GDF1: variants seen among roughly 807,000 people sequenced by gnomAD.
The protein encoded by GDF1 is growth differentiation factor 1.
In GDF1, 8 loss-of-function variants were observed where a neutral mutation model predicts 7.4. The observed-to-expected ratio is 1.09, with a 90% CI of 0.64 to 1.96. GDF1 has a LOEUF of 1.96. GDF1 is among the 30% of genes most tolerant of loss of function. The probability of loss-of-function intolerance (pLI) is 0.00; values close to 1 mark genes in which losing one functional copy is unlikely to be tolerated. For synonymous variants in GDF1, 311 were observed against 276.7 expected, an observed-to-expected ratio of 1.12 and a Z score of -1.23; for missense variants, 574 against 551.5, an observed-to-expected ratio of 1.04 and a Z score of -0.41.
intron 1 of GDF1, among the ~76,000 whole-genome samples, chr19:18,894,391 C>A (rs1294876050): frequency 6.6e-6 from 1 of 152,100 alleles, no homozygotes; most frequent in East Asian, 1.9e-4. Context: ...GAGCCGGCTC[C>A]GGTAACCCCT....
At position 18,870,184 on chromosome 19, in the gene GDF1, C is replaced by T; in HGVS notation, c.124G>A (p.Ala42Thr). 6.4e-7 allele frequency: 1 copy of T among 1,565,426 alleles called. No individual in the cohort carries two copies. Among genetic ancestry groups the T allele is most frequent in the Non-Finnish European group, 8.6e-7 (1 of 1,163,118 alleles). The change falls in exon 7 of 8, where the codon GCT becomes ACT. Residue 42 changes from alanine to threonine, a missense_variant. Coordinates refer to ENST00000247005, the MANE Select transcript of GDF1 (RefSeq NM_001492.6). The surrounding 1 kb of genome is among the most constrained non-coding windows in gnomAD (Gnocchi z 5.1). ...PPGPAAALLQ[A>T]LGLRDEPQGA... The stretch of plus-strand genomic sequence containing the variant: ...TGGGGCTCATCGCGCAGTCCTAGAG[C>T]CTGGAGCAGGGCGGCGGCTGGGCCT...
intron 6 of GDF1, among the ~76,000 whole-genome samples, chr19:18,871,210 AC>A (rs1469343575): frequency 7.0e-6 from 1 of 142,296 alleles, no homozygotes; most frequent in Non-Finnish European, 1.5e-5. Context: ...GGGGCACGCC[AC>A]CACTCCCAGC....
chr19:18,868,588 C>T lies in GDF1; in HGVS notation c.*9G>A, dbSNP rs762241650. Reference sequence around the variant, plus strand: ...TTATTGTTGGGCCCGCGTCCCTGCCCGCCCCGGGTTAGCGGCAGCCGCACT... The same window carrying T: ...TTATTGTTGGGCCCGCGTCCCTGCCTGCCCCGGGTTAGCGGCAGCCGCACT... On this transcript the variant is annotated 3_prime_UTR_variant, in exon 8 of 8. Coordinates refer to ENST00000247005, the MANE Select transcript of GDF1 (RefSeq NM_001492.6). 25 of 1,548,480 alleles carry T rather than the reference C, an allele frequency of 1.6e-5. No homozygotes were observed. The South Asian group carries it at 2.4e-4, about 15-fold the overall frequency.
chr19:18,872,868 C>G (rs897948396), intron 6 of GDF1, among the ~76,000 whole-genome samples: 7 of 150,704 alleles, frequency 4.6e-5, no homozygotes, highest in Admixed American at 3.3e-4. Context: ...AGGTTGGTCT[C>G]GAACTCCTGA....
chr19:18,869,607 G>C (rs1043837928), intron 7 of GDF1, among the ~76,000 whole-genome samples: 1 of 150,642 alleles, frequency 6.6e-6, no homozygotes, highest in Non-Finnish European at 1.5e-5. Flanking sequence ...GGCTGCCCTC[G>C]GCGGGGGGCA....
intron 3 of GDF1, among the ~76,000 whole-genome samples, chr19:18,883,664 T>C (rs1199277283): frequency 6.6e-6 from 1 of 152,238 alleles, no homozygotes; most frequent in Admixed American, 6.5e-5. Context: ...TCTGAAAGGC[T>C]CACTGACGGC....
Position 18,869,399 on chromosome 19 carries a change from G to A in GDF1, c.326-9C>T. ...GGCCCGGGTGGGCGCACCTGGGGAG[G>A]TAGGAACAGGAACTCGGCTCGCGCT... On this transcript the variant is annotated splice_polypyrimidine_tract_variant and intron_variant, in intron 7 of 7. Transcript: ENST00000247005. The A allele has an allele frequency of 6.5e-7, 1 of 1,528,406 alleles. No individual in the cohort carries two copies. Among genetic ancestry groups the A allele is most frequent in the Non-Finnish European group, 8.7e-7 (1 of 1,144,212 alleles). 94.7% of individuals were successfully genotyped at this position (1,528,406 alleles called of 1,614,324 possible). A position where few individuals can be genotyped will look rare whatever the true frequency, so the allele number is the denominator to read the frequency against.
intron 2 of GDF1, among the ~76,000 whole-genome samples, chr19:18,887,189 C>T (rs1474612108): frequency 2.6e-5 from 4 of 152,198 alleles, no homozygotes; most frequent in African/African-American, 9.7e-5. Context: ...GAATGAAGCA[C>T]GGATCCATGC....
chr19:18,869,769 CAGA>C (rs1438430307), intron 7 of GDF1, among the ~76,000 whole-genome samples: 1 of 152,098 alleles, frequency 6.6e-6, no homozygotes, highest in Non-Finnish European at 1.5e-5. Context: ...CAGCATCAAG[CAGA>C]AGGACTGGTC....
rs1423025208 is a variant in GDF1 at position 18,878,857 on chromosome 19, G to A, written c.-313+73C>T. 6.4e-6 allele frequency: 10 copies of A among 1,563,908 alleles called. No homozygotes were observed. Among genetic ancestry groups the A allele is most frequent in the East Asian group, 2.3e-5 (1 of 42,730 alleles). ...CCTCATCTGCTGCTGGGTCTTGGGG[G>A]CCTGCCCACGAACACGCTTGGACGG... On this transcript the variant is annotated intron_variant, in intron 6 of 7. Coordinates refer to ENST00000247005, the MANE Select transcript of GDF1 (RefSeq NM_001492.6). This position sits in a 1 kb window ranked among gnomAD's most constrained non-coding sequence, Gnocchi z 4.6.
At chr19:18,892,999 C>T (rs1267223027) in intron 2 of GDF1, among the ~76,000 whole-genome samples, 1 of 152,028 alleles carries the variant, frequency 6.6e-6, no homozygotes, top group Non-Finnish European at 1.5e-5. Context: ...TCACTGCAAC[C>T]TCTGCCTCCC....
chr19:18,874,690 T>C (rs1213305662), intron 6 of GDF1, among the ~76,000 whole-genome samples: 1 of 151,842 alleles, frequency 6.6e-6, no homozygotes, highest in African/African-American at 2.4e-5. Flanking sequence ...CGGGCGTCAG[T>C]GTAGGAGAGA....
At position 18,878,479 on chromosome 19, in the gene GDF1, T is replaced by C. The variant is rs115623466; in HGVS notation, c.-313+451A>G. 5,534 of 994,876 alleles carry C rather than the reference T, an allele frequency of 5.6e-3. 232 individuals carry two copies. The African/African-American group carries it at 0.089, about 16-fold the overall frequency. The allele number at this position is 994,876 out of a possible 1,614,324, so 61.6% of individuals were successfully genotyped here. A position where few individuals can be genotyped will look rare whatever the true frequency, so the allele number is the denominator to read the frequency against. The stretch of plus-strand genomic sequence containing the variant: ...CCTGTCAAACTCAGAGGCCAGGATG[T>C]CTCGGCCCAGATGGAGCCTGGGTTC... On this transcript the variant is annotated intron_variant, in intron 6 of 7. Transcript: ENST00000247005. The surrounding 1 kb of genome is among the most constrained non-coding windows in gnomAD (Gnocchi z 4.6).
intron 1 of GDF1, among the ~76,000 whole-genome samples, chr19:18,893,824 G>A (rs1258994047): frequency 6.6e-6 from 1 of 152,056 alleles, no homozygotes; most frequent in Non-Finnish European, 1.5e-5. Context: ...GAGGGGAGCA[G>A]GAGGGCTCTG....
intron 2 of GDF1, among the ~76,000 whole-genome samples, chr19:18,885,668 C>T (rs972367411): frequency 4.6e-5 from 7 of 151,658 alleles, no homozygotes; most frequent in Non-Finnish European, 7.4e-5. Context: ...TACAGGCACC[C>T]ACCACCATGC....
chr19:18,871,095 T>C (rs2055961570), intron 6 of GDF1, among the ~76,000 whole-genome samples: 1 of 139,604 alleles, frequency 7.2e-6, no homozygotes. Context: ...TTTATTTTCC[T>C]TTTTTTTTTT....
chr19:18,896,056 G>C lies in GDF1; in HGVS notation c.-1306C>G, dbSNP rs1232263427. The C allele has an allele frequency of 7.1e-6, 7 of 983,492 alleles. No homozygotes were observed. Among genetic ancestry groups the C allele is most frequent in the Non-Finnish European group, 8.4e-6 (7 of 829,908 alleles). The allele number at this position is 983,492 out of a possible 1,614,324, so 60.9% of individuals were successfully genotyped here. ...CTCGGGCCCCGTCGGCCCCGCCGCG[G>C]GCCCCGCCGCCGCCATACCGCCCGC... On this transcript the variant is annotated 5_prime_UTR_variant, in exon 1 of 8. Coordinates refer to ENST00000247005, the MANE Select transcript of GDF1 (RefSeq NM_001492.6). The surrounding 1 kb of genome is among the most constrained non-coding windows in gnomAD (Gnocchi z 5.9).
chr19:18,881,600 T>C (rs1249234179), intron 3 of GDF1: 2 of 151,980 alleles, frequency 1.3e-5, no homozygotes, highest in Admixed American at 6.6e-5. Context: ...TGCCCGAGGG[T>C]CCTGGATTCA....
Position 18,868,779 on chromosome 19 carries a change from G to A in GDF1, c.937C>T (p.Pro313Ser). The part of the protein sequence containing the change: ...PVALSGSGGP[P>S]ALNHAVLRAL... ...CGCAGCACAGCGTGGTTGAGCGCCG[G>A]CGGCCCCCCGGACCCCGACAGCGCG... Residue 313 changes from proline (P) to serine (S), a missense_variant, in exon 8 of 8, where the codon CCG becomes TCG. Coordinates refer to ENST00000247005, the MANE Select transcript of GDF1 (RefSeq NM_001492.6). The A allele has an allele frequency of 1.4e-6, 2 of 1,466,840 alleles. No homozygotes were observed. Among genetic ancestry groups the A allele is most frequent in the South Asian group, 1.2e-5 (1 of 80,196 alleles). 90.9% of individuals were successfully genotyped at this position (1,466,840 alleles called of 1,614,324 possible). A position where few individuals can be genotyped will look rare whatever the true frequency, so the allele number is the denominator to read the frequency against.
Sources: gnomAD v4.1 joint callset for allele counts (sites outside exome capture counted in the v4.1 genomes callset) on GRCh38, gnomAD v4.1.1 for gene constraint, Gnocchi (gnomAD v3.1) non-coding constraint, MANE v1.5 for transcripts, NCBI Gene and HGNC (gene_info 2026-07-23, HGNC 2026-07-21) for gene names.